OSTN: variants seen among roughly 807,000 people sequenced by gnomAD.
OSTN encodes the protein osteocrin.
OSTN carries 9 observed loss-of-function variants against 12.0 expected under a neutral mutation model. The observed-to-expected ratio is 0.75, with a 90% CI of 0.45 to 1.30. OSTN has a LOEUF of 1.30. Among genes scored for constraint, OSTN ranks in the 50% most tolerant of loss-of-function variants. OSTN has a pLI of 0.00. For synonymous variants in OSTN, 59 were observed against 56.9 expected (o/e 1.04, Z -0.16); for missense variants, 148 against 152.3 (o/e 0.97, Z 0.15).
Position 191,226,980 on chromosome 3 carries a change from T to A in OSTN, c.317+8019T>A, listed in dbSNP as rs1714928382. On this transcript the variant is annotated intron_variant, in intron 3 of 4. Coordinates refer to ENST00000682035, the MANE Select transcript of OSTN (RefSeq NM_198184.2). Reference sequence around the variant, plus strand: ...AGAGAAGCTCTTCTAAATTCAGACGTAAAATTTGAATAGAAAAAATAAGGA... The same window carrying A: ...AGAGAAGCTCTTCTAAATTCAGACGAAAAATTTGAATAGAAAAAATAAGGA... 2.6e-5 allele frequency among the ~76,000 whole-genome samples: 4 copies of A among 152,090 alleles called. No individual in the cohort carries two copies. In the South Asian group the frequency reaches 8.3e-4, roughly 31 times the overall value.
intron 3 of OSTN, among the ~76,000 whole-genome samples, chr3:191,235,778 C>G (rs1715173832): frequency 6.6e-6 from 1 of 152,190 alleles, no homozygotes; most frequent in African/African-American, 2.4e-5. Context: ...CAGGCTGACT[C>G]TCTCCACATG....
chr3:191,250,353 C>G (rs1297594478), intron 4 of OSTN, among the ~76,000 whole-genome samples: 1 of 152,128 alleles, frequency 6.6e-6, no homozygotes, highest in Non-Finnish European at 1.5e-5. Flanking sequence ...CTGCTTCACT[C>G]TCCAAAATTA....
At chr3:191,209,429 G>C (rs1714363917) in intron 1 of OSTN, among the ~76,000 whole-genome samples, 1 of 152,190 alleles carries the variant, frequency 6.6e-6, no homozygotes, top group Non-Finnish European at 1.5e-5. Flanking sequence ...TATGTTTACA[G>C]AAAATCTCAG....
chr3:191,219,796 G>A (rs1714717175), intron 3 of OSTN, among the ~76,000 whole-genome samples: 1 of 152,120 alleles, frequency 6.6e-6, no homozygotes, highest in African/African-American at 2.4e-5. Flanking sequence ...TCTAAATACT[G>A]TTTGCTTTAC....
chr3:191,204,157 T>C (rs1560111682), intron 1 of OSTN, among the ~76,000 whole-genome samples: 2 of 152,344 alleles, frequency 1.3e-5, no homozygotes, highest in South Asian at 4.1e-4. Context: ...CCCAAAGTGC[T>C]GGGATCACAG....
intron 3 of OSTN, among the ~76,000 whole-genome samples, chr3:191,242,194 AG>A (rs1259218212): frequency 7.2e-5 from 11 of 152,232 alleles, no homozygotes; most frequent in Non-Finnish European, 1.6e-4. Context: ...AATTAATAAT[AG>A]AAGGAAACTT....
intron 3 of OSTN, among the ~76,000 whole-genome samples, chr3:191,238,001 A>G (rs1009182163): frequency 2.0e-5 from 3 of 152,212 alleles, no homozygotes; most frequent in African/African-American, 7.2e-5. Context: ...AGATTAAGGT[A>G]AAAAGTCTAA....
chr3:191,228,986 C>T (rs979319958), intron 3 of OSTN, among the ~76,000 whole-genome samples: 9 of 152,086 alleles, frequency 5.9e-5, no homozygotes, highest in South Asian at 4.1e-4. Flanking sequence ...GGTAATAGAA[C>T]CCAGCACTAC....
chr3:191,222,432 G>T (rs1359780869), intron 3 of OSTN, among the ~76,000 whole-genome samples: 2 of 152,210 alleles, frequency 1.3e-5, no homozygotes, highest in African/African-American at 2.4e-5. Flanking sequence ...CTTGCATGGG[G>T]CCTGTAGCCC....
At chr3:191,255,321 C>T (rs772147289) in intron 4 of OSTN, among the ~76,000 whole-genome samples, 1 of 152,164 alleles carries the variant, frequency 6.6e-6, no homozygotes, top group African/African-American at 2.4e-5. Flanking sequence ...ATGTGCTGGT[C>T]CGCAACCCGG....
intron 4 of OSTN, 69 bp from the exon 5 acceptor site, chr3:191,262,797 G>A (rs777284899): frequency 4.0e-5 from 28 of 693,168 alleles, no homozygotes; most frequent in Admixed American, 2.0e-4. Flanking sequence ...CTCAAGTGAA[G>A]TTGATGGACT....
chr3:191,240,943 G>T (rs1715303587), intron 3 of OSTN, among the ~76,000 whole-genome samples: 2 of 152,144 alleles, frequency 1.3e-5, no homozygotes, highest in Admixed American at 1.3e-4. Flanking sequence ...GATTAGAGAA[G>T]TCAGCCCTAT....
At chr3:191,208,896 G>A (rs371506712) in intron 1 of OSTN, among the ~76,000 whole-genome samples, 5 of 152,288 alleles carry the variant, frequency 3.3e-5, no homozygotes, top group Admixed American at 2.6e-4. Context: ...GGTGGCTCAC[G>A]CCTATAATCC....
intron 3 of OSTN, among the ~76,000 whole-genome samples, chr3:191,223,955 A>G (rs1348423904): frequency 6.6e-6 from 1 of 152,178 alleles, no homozygotes; most frequent in African/African-American, 2.4e-5. Flanking sequence ...AAAAATAACA[A>G]GATTTAGGAT....
chr3:191,236,998 G>C (rs1715207120), intron 3 of OSTN, among the ~76,000 whole-genome samples: 1 of 152,124 alleles, frequency 6.6e-6, no homozygotes, highest in African/African-American at 2.4e-5. Flanking sequence ...TTAACTCCAA[G>C]GCCGTGACTT....
chr3:191,199,422 G>T (rs1253798373), intron 1 of OSTN, 115 bp downstream of exon 1: 2 of 151,926 alleles, frequency 1.3e-5, no homozygotes, highest in Admixed American at 1.3e-4. Context: ...AATTAGAGTG[G>T]TAATATTTCC....
At chr3:191,250,541 T>G (rs1205520007) in intron 4 of OSTN, among the ~76,000 whole-genome samples, 1 of 152,194 alleles carries the variant, frequency 6.6e-6, no homozygotes, top group Non-Finnish European at 1.5e-5. Flanking sequence ...AGTACGTTAT[T>G]AGAATTATGA....
At chr3:191,235,674 G>T (rs1260280119) in intron 3 of OSTN, among the ~76,000 whole-genome samples, 5 of 152,090 alleles carry the variant, frequency 3.3e-5, no homozygotes, top group Non-Finnish European at 7.4e-5. Context: ...CTCATCTTCT[G>T]CATTTGACAC....
intron 4 of OSTN, among the ~76,000 whole-genome samples, chr3:191,259,935 A>C (rs1425629336): frequency 2.0e-5 from 3 of 148,658 alleles, no homozygotes; most frequent in Non-Finnish European, 4.5e-5. Flanking sequence ...ACTTACTGCA[A>C]CCTCCACCTC....
Sources: gnomAD v4.1 joint callset for allele counts (sites outside exome capture counted in the v4.1 genomes callset) on GRCh38, gnomAD v4.1.1 for gene constraint, MANE v1.5 for transcripts, NCBI Gene and HGNC (gene_info 2026-07-23, HGNC 2026-07-21) for gene names.